GTPBP3: variants seen among roughly 807,000 people sequenced by gnomAD.
GTPBP3 encodes the protein GTP binding protein 3, mitochondrial, also known as 5-taurinomethyluridine-[tRNA] synthase subunit GTPB3, mitochondrial.
Under a neutral mutation model 42.0 loss-of-function variants are expected in GTPBP3, and 35 were observed. The observed-to-expected ratio is 0.83, with a 90% CI of 0.64 to 1.10. The LOEUF is 1.10. GTPBP3 is among the 50% of genes least tolerant of loss of function. The pLI is 0.00. For synonymous variants in GTPBP3, 332 were observed against 314.9 expected, an observed-to-expected ratio of 1.05 and a Z score of -0.58; for missense variants, 691 against 685.2, an observed-to-expected ratio of 1.01 and a Z score of -0.09.
Position 17,339,422 on chromosome 19 carries a change from A to T in GTPBP3, c.809-12A>T, listed in dbSNP as rs1301425708. On this transcript the variant is annotated splice_polypyrimidine_tract_variant and intron_variant, in intron 6 of 8. Coordinates refer to ENST00000324894, the MANE Select transcript of GTPBP3 (RefSeq NM_032620.4). Reference sequence around the variant, plus strand: ...GTCTCCACCCTCTCCTCTTCTTCTGACCCTCCCCCAGGTCGGAAGCCTGTG... The same window carrying T: ...GTCTCCACCCTCTCCTCTTCTTCTGTCCCTCCCCCAGGTCGGAAGCCTGTG... 2 of 1,611,902 alleles carry T rather than the reference A, an allele frequency of 1.2e-6. No homozygotes were observed. The highest frequency in any genetic ancestry group is 2.7e-5 in the African/African-American group (2 of 74,756).
chr19:17,339,738 CTTTTTTTT>C, intron 7 of GTPBP3, 139 bp downstream of exon 7: 54 of 489,860 alleles, frequency 1.1e-4, no homozygotes, highest in East Asian at 1.6e-4. Flanking sequence ...GGATTTGGTT[CTTTTTTTT>C]TTTTTTTTTT....
intron 7 of GTPBP3, 25 bp from the exon 8 acceptor site, chr19:17,341,019 C>G: frequency 6.2e-7 from 1 of 1,603,230 alleles, no homozygotes; most frequent in African/African-American, 1.3e-5. Flanking sequence ...CTGGGATCCC[C>G]GCTCAGTTGA....
rs2074431903 is a variant in GTPBP3, at chr19:17,341,501, C to T, written c.1277C>T (p.Pro426Leu). Residue 426 changes from proline to leucine, a missense_variant, in exon 9 of 9, where the codon CCC (proline) becomes CTC (leucine). Physicochemically the swap from Pro to Leu is moderately conservative, Grantham distance 98. Coordinates refer to ENST00000324894, the MANE Select transcript of GTPBP3 (RefSeq NM_032620.4). ...AGGTGTGGGGACCCGTCCACAGATC[C>T]CCCGCTGCTGACCCGAGCAAGGCAC... is the stretch of plus-strand genomic sequence containing the variant. ...AAVCGDPSTD[P>L]PLLTRARHQH... The T allele has an allele frequency of 6.2e-6, 10 of 1,612,524 alleles. No individual in the cohort carries two copies. Among genetic ancestry groups the T allele is most frequent in the Non-Finnish European group, 8.5e-6 (10 of 1,179,174 alleles).
At position 17,341,815 on chromosome 19, in the gene GTPBP3, C is replaced by A; in HGVS notation, c.*112C>A. 6 of 936,810 alleles carry A rather than the reference C, an allele frequency of 6.4e-6. No homozygotes were observed. The highest frequency in any genetic ancestry group is 1.8e-5 in the South Asian group (1 of 56,884). 58.0% of individuals were successfully genotyped at this position (936,810 alleles called of 1,614,324 possible). The stretch of plus-strand genomic sequence containing the variant: ...CATTCGCCTGGGAAAGAACTTGATT[C>A]TCAAATAGTGAAGCAACACAGCTGA... On this transcript the variant is annotated 3_prime_UTR_variant, in exon 9 of 9. Coordinates refer to ENST00000324894, the MANE Select transcript of GTPBP3 (RefSeq NM_032620.4).
rs148899956 is a variant in GTPBP3 at position 17,338,243 on chromosome 19, C to T, written c.289C>T (p.Leu97Phe). ...SGEPLDRALV[L>F]WFPGPQSFTG... ...GGAGCCTCTGGACCGCGCACTGGTG[C>T]TCTGGTTCCCAGGTGAGGGTCCCCA... Residue 97 changes from leucine to phenylalanine, a missense_variant, in exon 2 of 9, where the codon CTC becomes TTC. Coordinates refer to ENST00000324894, the MANE Select transcript of GTPBP3 (RefSeq NM_032620.4). 35 of 1,588,872 alleles carry T rather than the reference C, an allele frequency of 2.2e-5. No individual in the cohort carries two copies. The highest frequency in any genetic ancestry group is 3.3e-4 in the Middle Eastern group (2 of 6,036).
chr19:17,339,644 C>A (rs531440911), intron 7 of GTPBP3, 45 bp downstream of exon 7: 1 of 1,525,402 alleles, frequency 6.6e-7, no homozygotes, highest in Non-Finnish European at 8.8e-7. Flanking sequence ...GGGGCCCTTT[C>A]TCTGCCTTTT....
At chr19:17,337,736 A>AG (rs537937678) in intron 1 of GTPBP3, 72 bp downstream of exon 1, 11 of 1,388,850 alleles carry the variant, frequency 7.9e-6, no homozygotes, top group Non-Finnish European at 1.0e-5. Context: ...CCTGGGTTTT[A>AG]GGGGCCCAAT....
Position 17,342,627 on chromosome 19 carries a change from T to C in GTPBP3, c.*924T>C, listed in dbSNP as rs1343273040. Reference sequence around the variant, plus strand: ...CCCTTCTGTGGTTGTCATGGCTTAATGTGTGTCTTTCCAGAACTTTGAATG... The same window carrying C: ...CCCTTCTGTGGTTGTCATGGCTTAACGTGTGTCTTTCCAGAACTTTGAATG... On this transcript the variant is annotated 3_prime_UTR_variant, in exon 9 of 9. Coordinates refer to ENST00000324894, the MANE Select transcript of GTPBP3 (RefSeq NM_032620.4). The C allele has an allele frequency of 6.6e-6, 1 of 152,190 alleles. No individual in the cohort carries two copies. Among genetic ancestry groups the C allele is most frequent in the East Asian group, 1.9e-4 (1 of 5,198 alleles). 9.4% of individuals were successfully genotyped at this position (152,190 alleles called of 1,614,324 possible).
chr19:17,339,547 C>A lies in GTPBP3; in HGVS notation c.922C>A (p.Arg308=), dbSNP rs151131704. ...GCTGCTGAGCGACACGGCTGGGTTG[C>A]GGGAGGGCGTGGGGCCCGTGGAGCA... ...PVLLSDTAGL[R]EGVGPVEQEG... Residue 308 remains arginine, a synonymous_variant, in exon 7 of 9, where the codon CGG becomes AGG. Transcript: ENST00000324894. The A allele has an allele frequency of 1.1e-5, 18 of 1,613,042 alleles. No individual in the cohort carries two copies. The highest frequency in any genetic ancestry group is 1.1e-5 in the South Asian group (1 of 91,060).
chr19:17,335,023 G>A, upstream of GTPBP3: 1 of 1,536,040 alleles, frequency 6.5e-7, no homozygotes, highest in Non-Finnish European at 8.7e-7. Context: ...TCTCCAACTT[G>A]TCCCCACCCA....
chr19:17,336,413 C>T (rs1162180352), upstream of GTPBP3, among the ~76,000 whole-genome samples: 1 of 149,142 alleles, frequency 6.7e-6, no homozygotes, highest in Non-Finnish European at 1.5e-5. Flanking sequence ...CTGAGGCGGG[C>T]GGATCCCTTG....
At chr19:17,338,327 G>A (rs1315911217) in intron 2 of GTPBP3, 38 bp from the exon 3 acceptor site, 1 of 1,611,994 alleles carries the variant, frequency 6.2e-7, no homozygotes, top group Non-Finnish European at 8.5e-7. Context: ...GGTTTGCACT[G>A]GCTGTGCTGT....
At position 17,341,526 on chromosome 19, in the gene GTPBP3, C is replaced by T. The variant is rs1182690787; in HGVS notation, c.1302C>T (p.His434=). 1.2e-6 allele frequency: 2 copies of T among 1,613,720 alleles called. No individual in the cohort carries two copies. Among genetic ancestry groups the T allele is most frequent in the South Asian group, 2.2e-5 (2 of 91,078 alleles). ...TDPPLLTRAR[H]QHHLQGCLDA... is the part of the protein sequence containing the mutation. ...CCCCGCTGCTGACCCGAGCAAGGCA[C>T]CAGCACCACCTCCAGGGTTGCCTGG... is the stretch of plus-strand genomic sequence containing the variant. The change falls in exon 9 of 9, where the codon CAC becomes CAT. Residue 434 remains histidine, a synonymous_variant. Transcript: ENST00000324894.
intron 7 of GTPBP3, among the ~76,000 whole-genome samples, chr19:17,340,332 C>T (rs1432742103): frequency 6.6e-6 from 1 of 152,080 alleles, no homozygotes; most frequent in Non-Finnish European, 1.5e-5. Flanking sequence ...CCACTGTGCC[C>T]GGCCAGTGAT....
chr19:17,339,884 T>C (rs2074412066), intron 7 of GTPBP3, among the ~76,000 whole-genome samples: 1 of 150,400 alleles, frequency 6.6e-6, no homozygotes, highest in Non-Finnish European at 1.5e-5. Flanking sequence ...GTAGCTGGGA[T>C]TACAGGCGGG....
intron 6 of GTPBP3, 26 bp from the exon 7 acceptor site, chr19:17,339,408 C>G (rs775839799): frequency 6.2e-7 from 1 of 1,611,200 alleles, no homozygotes. Context: ...TCTCCACCCT[C>G]TCCTCTTCTT....
rs992188247 is a variant in GTPBP3 at position 17,338,381 on chromosome 19, C to A, written c.318C>A (p.Thr106=). The A allele has an allele frequency of 6.2e-7, 1 of 1,614,124 alleles. No homozygotes were observed. The highest frequency in any genetic ancestry group is 1.3e-5 in the African/African-American group (1 of 75,070). ...TCACATTAGGTCCCCAGAGTTTCAC[C>A]GGTGAGGACTGCGTGGAGTTCCACG... ...VLWFPGPQSF[T]GEDCVEFHVH... Residue 106 remains threonine (T), a synonymous_variant, in exon 3 of 9, where the codon ACC becomes ACA. Transcript: ENST00000324894.
intron 8 of GTPBP3, 74 bp from the exon 9 acceptor site, chr19:17,341,404 A>G: frequency 6.4e-7 from 1 of 1,558,060 alleles, no homozygotes; most frequent in Admixed American, 1.9e-5. Flanking sequence ...AACCTACAAA[A>G]TGGGTACAAC....
chr19:17,337,743 C>A (rs2074380426), intron 1 of GTPBP3, 79 bp downstream of exon 1: 1 of 1,386,492 alleles, frequency 7.2e-7, no homozygotes, highest in African/African-American at 1.5e-5. Flanking sequence ...TTTAGGGGCC[C>A]AATTCCCTGC....
Sources: gnomAD v4.1 joint callset for allele counts (sites outside exome capture counted in the v4.1 genomes callset) on GRCh38, gnomAD v4.1.1 for gene constraint, MANE v1.5 for transcripts, NCBI Gene and HGNC (gene_info 2026-07-23, HGNC 2026-07-21) for gene names.